LONRF2: variants seen among roughly 807,000 people sequenced by gnomAD.
LONRF2 encodes the protein LON peptidase N-terminal domain and ring finger 2.
In LONRF2, 35 loss-of-function variants were observed where a neutral mutation model predicts 66.6. The observed-to-expected ratio is 0.53, with a 90% CI of 0.40 to 0.70. The LOEUF (loss-of-function observed/expected upper bound fraction) is 0.70. Among genes scored for constraint, LONRF2 ranks in the 30% least tolerant of loss-of-function variants. LONRF2 has a pLI of 0.00. For missense variants in LONRF2, 902 were observed against 1,002.1 expected, an observed-to-expected ratio of 0.90 and a Z score of 1.35; for synonymous variants, 417 against 418.1, an observed-to-expected ratio of 1.00 and a Z score of 0.03.
chr2:100,272,082 C>T lies in LONRF2; in HGVS notation c.*12216G>A, dbSNP rs1251567771. On this transcript the variant is annotated 3_prime_UTR_variant, in exon 12 of 12. Coordinates refer to ENST00000393437, the MANE Select transcript of LONRF2 (RefSeq NM_198461.4). ...ATTTAAATGACATTACCAATAATGA[C>T]TTGTGAAAACTGAAACTTTTAGTCT... 6.6e-6 allele frequency among the ~76,000 whole-genome samples: 1 copy of T among 152,196 alleles called. No individual in the cohort carries two copies.
In LONRF2 at chr2:100,321,678, T is replaced by TCGCGGGGCG. The variant is rs1675631701; in HGVS notation, c.407_415dup (p.Ala136_Arg138dup). On this transcript the variant is annotated inframe_insertion, in exon 1 of 12. Coordinates refer to ENST00000393437, the MANE Select transcript of LONRF2 (RefSeq NM_198461.4). ...CCGGCAGCGCGGGCAGCCGAGCAGG[T>TCGCGGGGCG]CGCGGGGCGCGCGGGGCTCCGGGGC... 1.0e-5 allele frequency: 13 copies of TCGCGGGGCG among 1,268,008 alleles called. No individual in the cohort carries two copies. Among genetic ancestry groups the TCGCGGGGCG allele is most frequent in the African/African-American group, 1.6e-5 (1 of 63,900 alleles). 78.5% of individuals were successfully genotyped at this position (1,268,008 alleles called of 1,614,324 possible). A position where few individuals can be genotyped will look rare whatever the true frequency, so the allele number is the denominator to read the frequency against.
intron 10 of LONRF2, among the ~76,000 whole-genome samples, chr2:100,289,815 A>C (rs1157968379): frequency 6.6e-6 from 1 of 152,136 alleles, no homozygotes; most frequent in Non-Finnish European, 1.5e-5. Flanking sequence ...ATAACTGCTG[A>C]AGGCAGGGGC....
At chr2:100,300,612 A>C (rs1675165379) in intron 4 of LONRF2, 32 bp downstream of exon 4, 23 of 1,579,910 alleles carry the variant, frequency 1.5e-5, no homozygotes, top group Non-Finnish European at 2.0e-5. Flanking sequence ...AGCTTAATCA[A>C]GAGAATCCTG....
intron 2 of LONRF2, among the ~76,000 whole-genome samples, chr2:100,304,789 A>ACTTT (rs1675258460): frequency 1.5e-5 from 1 of 66,552 alleles, no homozygotes; most frequent in Non-Finnish European, 3.0e-5. Flanking sequence ...ATGCCTGGCT[A>ACTTT]ATTTTTTTTT....
rs1402715905 is a variant in LONRF2, at chr2:100,271,953, A to G, written c.*12345T>C. Reference sequence around the variant, plus strand: ...AAGTTTCATCCAACAGTGCTGAAGGAGTTAAGATTAGTCACTGCATGAGGA... The same window carrying G: ...AAGTTTCATCCAACAGTGCTGAAGGGGTTAAGATTAGTCACTGCATGAGGA... On this transcript the variant is annotated 3_prime_UTR_variant, in exon 12 of 12. Transcript: ENST00000393437. 6.6e-6 allele frequency among the ~76,000 whole-genome samples: 1 copy of G among 152,194 alleles called. No individual in the cohort carries two copies. Among genetic ancestry groups the G allele is most frequent in the African/African-American group, 2.4e-5 (1 of 41,440 alleles).
chr2:100,290,836 T>G (rs1490667036), intron 9 of LONRF2, among the ~76,000 whole-genome samples: 1 of 152,192 alleles, frequency 6.6e-6, no homozygotes, highest in African/African-American at 2.4e-5. Context: ...ACTCCGATTG[T>G]AACTATCACC....
intron 1 of LONRF2, among the ~76,000 whole-genome samples, chr2:100,313,605 A>T (rs1249159974): frequency 6.6e-6 from 1 of 152,224 alleles, no homozygotes; most frequent in African/African-American, 2.4e-5. Flanking sequence ...ATTTATTCAA[A>T]TTGATGGAAG....
rs1440123377 is a variant in LONRF2, at chr2:100,272,688, A to T, written c.*11610T>A. On this transcript the variant is annotated 3_prime_UTR_variant, in exon 12 of 12. Coordinates refer to ENST00000393437, the MANE Select transcript of LONRF2 (RefSeq NM_198461.4). ...TTATGCCTCTAAAAATTCCAAATAA[A>T]TATATGCTTTCATAGTTAACTCAGT... is the stretch of plus-strand genomic sequence containing the variant. Among the ~76,000 whole-genome samples the T allele has an allele frequency of 6.6e-6, 1 of 152,228 alleles. No individual in the cohort carries two copies. Among genetic ancestry groups the T allele is most frequent in the Non-Finnish European group, 1.5e-5 (1 of 68,050 alleles).
At position 100,300,778 on chromosome 2, in the gene LONRF2, C is replaced by G; in HGVS notation, c.931G>C (p.Glu311Gln). 1 of 1,585,416 alleles carries G rather than the reference C, an allele frequency of 6.3e-7. No homozygotes were observed. Among genetic ancestry groups the G allele is most frequent in the African/African-American group, 1.4e-5 (1 of 73,366 alleles). The change falls in exon 4 of 12, where the codon GAA becomes CAA. Residue 311 changes from glutamate to glutamine, a missense_variant. This residue lies in a region of LONRF2 where 585 missense variants were observed against 569.9 expected (regional missense o/e 1.03). Transcript: ENST00000393437. Reference protein sequence around the residue: ...VKKEAQKVMCEVLFSATANVH... With the variant: ...VKKEAQKVMCQVLFSATANVH... ...TTTGCTGTAGCTGAAAACAGCACTT[C>G]ACACATTACCTATAAAATTGCCAAG...
chr2:100,273,039 G>C lies in LONRF2; in HGVS notation c.*11259C>G, dbSNP rs970074132. The stretch of plus-strand genomic sequence containing the variant: ...TTAAGATGAGGTCATCCTGGATTAG[G>C]GTGGAAGTTAAATCTAATGACTGGT... On this transcript the variant is annotated 3_prime_UTR_variant, in exon 12 of 12. Transcript: ENST00000393437. 1.2e-4 allele frequency among the ~76,000 whole-genome samples: 19 copies of C among 152,218 alleles called. 1 individual carries two copies. The highest frequency in any genetic ancestry group is 4.6e-4 in the African/African-American group (19 of 41,446).
chr2:100,284,115 A>C lies in LONRF2; in HGVS notation c.*183T>G, dbSNP rs1263834864. The C allele has an allele frequency of 3.7e-5, 21 of 571,798 alleles. No homozygotes were observed. The highest frequency in any genetic ancestry group is 3.6e-5 in the Non-Finnish European group (12 of 329,464). 35.4% of individuals were successfully genotyped at this position (571,798 alleles called of 1,614,324 possible). ...TTCAGACTTCAGGCTAACCTCACACAAGGTCAGATCCCACCAGACACAGAA... is the reference window on the plus strand; with the variant it reads ...TTCAGACTTCAGGCTAACCTCACACCAGGTCAGATCCCACCAGACACAGAA... On this transcript the variant is annotated 3_prime_UTR_variant, in exon 12 of 12. Transcript: ENST00000393437.
intron 10 of LONRF2, among the ~76,000 whole-genome samples, chr2:100,288,359 T>G (rs906404971): frequency 1.3e-5 from 2 of 152,198 alleles, no homozygotes; most frequent in African/African-American, 4.8e-5. Context: ...CCAAAATGAC[T>G]TCCAGTGTGA....
intron 6 of LONRF2, 111 bp from the exon 7 acceptor site, chr2:100,299,061 T>C: frequency 1.1e-6 from 1 of 903,938 alleles, no homozygotes; most frequent in East Asian, 2.5e-5. Context: ...TAGAAATCAC[T>C]TGCATGCACT....
rs111318262 is a variant in LONRF2, at chr2:100,299,138, G to A, written c.1361+88C>T. The A allele has an allele frequency of 7.5e-3, 7,466 of 996,210 alleles. 332 individuals are homozygous for A. In the African/African-American group the frequency reaches 0.11, roughly 14 times the overall value. The allele number at this position is 996,210 out of a possible 1,614,324, so 61.7% of individuals were successfully genotyped here. A position where few individuals can be genotyped will look rare whatever the true frequency, so the allele number is the denominator to read the frequency against. ...TATTACTGAGCTCTCCCTAGTTTCC[G>A]TGATAATAAAAAGCCCATTACACTT... On this transcript the variant is annotated intron_variant, in intron 6 of 11. Transcript: ENST00000393437.
In LONRF2 at chr2:100,321,529, T is replaced by C. The variant is rs1360039482; in HGVS notation, c.565A>G (p.Lys189Glu). Residue 189 changes from lysine to glutamate, a missense_variant, in exon 1 of 12, where the codon AAG (lysine) becomes GAG (glutamate). Coordinates refer to ENST00000393437, the MANE Select transcript of LONRF2 (RefSeq NM_198461.4). The stretch of plus-strand genomic sequence containing the variant: ...AGCCGGCACTCGGCCGGGAAGCACT[T>C]CTCCAGCAGGCCGCTCAGCACCACG... Reference protein sequence around the residue: ...VNVVLSGLLEKCFPAECRLRR... With the variant: ...VNVVLSGLLEECFPAECRLRR... 1 of 1,552,098 alleles carries C rather than the reference T, an allele frequency of 6.4e-7. No homozygotes were observed. Among genetic ancestry groups the C allele is most frequent in the Admixed American group, 1.8e-5 (1 of 54,204 alleles).
Position 100,277,801 on chromosome 2 carries a change from C to G in LONRF2, c.*6497G>C, listed in dbSNP as rs1674630659. 6.6e-6 allele frequency: 1 copy of G among 152,176 alleles called. No homozygotes were observed. The highest frequency in any genetic ancestry group is 1.5e-5 in the Non-Finnish European group (1 of 68,060). 9.4% of individuals were successfully genotyped at this position (152,176 alleles called of 1,614,324 possible). A position where few individuals can be genotyped will look rare whatever the true frequency, so the allele number is the denominator to read the frequency against. ...TTTATGGCCAACTGTTGGACCACTG[C>G]CCAAGAGTTGCCCCCTTCAGGATGA... On this transcript the variant is annotated 3_prime_UTR_variant, in exon 12 of 12. Coordinates refer to ENST00000393437, the MANE Select transcript of LONRF2 (RefSeq NM_198461.4).
Position 100,321,846 on chromosome 2 carries a change from C to G in LONRF2, c.248G>C (p.Gly83Ala). The change falls in exon 1 of 12, where the codon GGC (glycine) becomes GCC (alanine). Residue 83 changes from glycine (G) to alanine (A), a missense_variant. Around this residue, in one of 2 missense-constraint regions of LONRF2, gnomAD observed 585 missense variants for 569.9 expected, o/e 1.03. Transcript: ENST00000393437. The part of the protein sequence containing the change: ...RLPEALGAFR[G>A]AARLGALRPE... ...CCGCAGCGCCCCGAGCCGCGCGGCG[C>G]CGCGGAACGCGCCCAGGGCTTCGGG... 8.6e-7 allele frequency: 1 copy of G among 1,156,480 alleles called. No individual in the cohort carries two copies. Among genetic ancestry groups the G allele is most frequent in the Non-Finnish European group, 1.1e-6 (1 of 942,390 alleles). 71.6% of individuals were successfully genotyped at this position (1,156,480 alleles called of 1,614,324 possible). A position where few individuals can be genotyped will look rare whatever the true frequency, so the allele number is the denominator to read the frequency against.
intron 2 of LONRF2, among the ~76,000 whole-genome samples, chr2:100,308,841 A>AT (rs34362469): frequency 6.6e-6 from 1 of 151,822 alleles, no homozygotes; most frequent in African/African-American, 2.4e-5. Flanking sequence ...TTATTTATAT[A>AT]TTTTTTCAAT....
At position 100,321,738 on chromosome 2, in the gene LONRF2, C is replaced by T; in HGVS notation, c.356G>A (p.Gly119Asp). The T allele has an allele frequency of 9.1e-7, 1 of 1,098,638 alleles. No individual in the cohort carries two copies. Among genetic ancestry groups the T allele is most frequent in the Non-Finnish European group, 1.1e-6 (1 of 905,660 alleles). The allele number at this position is 1,098,638 out of a possible 1,614,324, so 68.1% of individuals were successfully genotyped here. Residue 119 changes from glycine to aspartate, a missense_variant, in exon 1 of 12, where the codon GGC becomes GAC. Gly to Asp is a moderately conservative substitution (Grantham distance 94). Coordinates refer to ENST00000393437, the MANE Select transcript of LONRF2 (RefSeq NM_198461.4). ...CTCGCCGGGCGCCTCGGGCTCGCCG[C>T]CCGGGTTCTCCGCGGACAGCGGCCG... ...RDRPLSAENPGGEPEAPGEGG... is the reference protein window; with the variant it reads ...RDRPLSAENPDGEPEAPGEGG...
Sources: gnomAD v4.1 joint callset for allele counts (sites outside exome capture counted in the v4.1 genomes callset) on GRCh38, gnomAD v4.1.1 for gene constraint, gnomAD v4.1.1 regional missense constraint, MANE v1.5 for transcripts, NCBI Gene and HGNC (gene_info 2026-07-23, HGNC 2026-07-21) for gene names.